The following CCDC13 variants were observed in gnomAD, a reference collection of about 807,000 sequenced individuals.
CCDC13 encodes coiled-coil domain-containing protein 13.
CCDC13 carries 70 observed loss-of-function variants against 87.3 expected under a neutral mutation model. That is an observed-to-expected ratio of 0.80 (90% CI 0.66 to 0.98). The LOEUF (loss-of-function observed/expected upper bound fraction) is 0.98. Among genes scored for constraint, CCDC13 ranks in the 50% least tolerant of loss-of-function variants. The probability of loss-of-function intolerance (pLI) is 0.00; values close to 1 mark genes in which losing one functional copy is unlikely to be tolerated. For missense variants in CCDC13, 842 were observed against 892.0 expected, an observed-to-expected ratio of 0.94 and a Z score of 0.71; for synonymous variants, 317 against 360.3, an observed-to-expected ratio of 0.88 and a Z score of 1.36.
chr3:42,746,574 A>G (rs974923341), intron 6 of CCDC13: 110 of 163,310 alleles, frequency 6.7e-4, no homozygotes, highest in Non-Finnish European at 2.6e-4. Context: ...GGCAGAAACA[A>G]TACGCTCCAG....
intron 1 of CCDC13, among the ~76,000 whole-genome samples, chr3:42,761,256 T>C (rs1481336316): frequency 1.3e-5 from 2 of 152,160 alleles, no homozygotes; most frequent in East Asian, 3.8e-4. Context: ...GATACCAGGC[T>C]CATAACCACC....
intron 5 of CCDC13, 73 bp downstream of exon 5, chr3:42,751,863 A>G (rs1699588192): frequency 1.5e-6 from 2 of 1,378,846 alleles, no homozygotes; most frequent in East Asian, 2.3e-5. Flanking sequence ...AGGTACCTAC[A>G]CACCTGTGGA....
At chr3:42,771,610 C>T (rs185230140) in intron 1 of CCDC13, among the ~76,000 whole-genome samples, 22 of 152,224 alleles carry the variant, frequency 1.4e-4, no homozygotes, top group Admixed American at 1.2e-3. Flanking sequence ...AAAAAATTAG[C>T]TGGGCATGGT....
At chr3:42,712,953 G>A (rs1342859242) in intron 14 of CCDC13, among the ~76,000 whole-genome samples, 1 of 152,230 alleles carries the variant, frequency 6.6e-6, no homozygotes, top group Non-Finnish European at 1.5e-5. Context: ...AGGGCCACAC[G>A]AGGCAATGGA....
chr3:42,732,673 C>A, intron 12 of CCDC13: 1 of 565,288 alleles, frequency 1.8e-6, no homozygotes, highest in Non-Finnish European at 3.1e-6. Flanking sequence ...GAACCCTAGC[C>A]TGGGAGTCAG....
chr3:42,730,271 C>T (rs1422280452), intron 13 of CCDC13, among the ~76,000 whole-genome samples, 196 bp downstream of exon 13: 2 of 152,128 alleles, frequency 1.3e-5, no homozygotes, highest in Non-Finnish European at 2.9e-5. Flanking sequence ...TAGAATGGGG[C>T]TGTTCCTAAG....
Position 42,733,451 on chromosome 3 carries a change from C to T in CCDC13, c.1511+19G>A, listed in dbSNP as rs772862692. On this transcript the variant is annotated intron_variant, in intron 11 of 15. Transcript: ENST00000310232. ...ATTAATGTTCACTTTCCAACCCCTC[C>T]CTCCCATTGTTTTCTTACCGAGAAG... The T allele has an allele frequency of 1.2e-6, 2 of 1,613,790 alleles. No individual in the cohort carries two copies. Among genetic ancestry groups the T allele is most frequent in the African/African-American group, 2.7e-5 (2 of 74,916 alleles).
chr3:42,746,056 C>G lies in CCDC13; in HGVS notation c.721-29G>C, dbSNP rs370916314. On this transcript the variant is annotated intron_variant, in intron 6 of 15. Coordinates refer to ENST00000310232, the MANE Select transcript of CCDC13 (RefSeq NM_144719.4). ...AAATAAGGCAGGGCCTTCAATGTGG[C>G]CAAAAGAGAGGGCTCCACCAGACCC... The G allele has an allele frequency of 4.5e-6, 7 of 1,559,616 alleles. No individual in the cohort carries two copies. In the African/African-American group the frequency reaches 8.1e-5, roughly 18 times the overall value.
rs553945085 is a variant in CCDC13, at chr3:42,730,403, G to C, written c.1718+64C>G. The C allele has an allele frequency of 9.5e-6, 15 of 1,581,778 alleles. No individual in the cohort carries two copies. In the East Asian group the frequency reaches 3.2e-4, roughly 33 times the overall value. On this transcript the variant is annotated intron_variant, in intron 13 of 15. Coordinates refer to ENST00000310232, the MANE Select transcript of CCDC13 (RefSeq NM_144719.4). The stretch of plus-strand genomic sequence containing the variant: ...GTGAGGAGGACCCAGTCATAAATGA[G>C]GCCTGGCCCCAGTCCCCACCACATG...
intron 13 of CCDC13, chr3:42,719,488 T>C (rs2125873650): frequency 6.6e-6 from 1 of 152,156 alleles, no homozygotes; most frequent in East Asian, 1.9e-4. Flanking sequence ...AGAAAAAGGA[T>C]TTGTGAGGCT....
intron 14 of CCDC13, among the ~76,000 whole-genome samples, chr3:42,711,159 T>C (rs373199688): frequency 6.7e-4 from 101 of 150,510 alleles, no homozygotes; most frequent in African/African-American, 2.4e-3. Flanking sequence ...GGCAGGGGAA[T>C]TGCTTGAACC....
At chr3:42,763,239 T>G (rs1276198061) in intron 1 of CCDC13, among the ~76,000 whole-genome samples, 1 of 152,116 alleles carries the variant, frequency 6.6e-6, no homozygotes, top group Non-Finnish European at 1.5e-5. Context: ...GGTACAAGAG[T>G]AGATTGCAGT....
In CCDC13 at chr3:42,746,521, G is replaced by A. The variant is rs953201266; in HGVS notation, c.721-494C>T. ...TGGTCCAAGAAGGACCCAGCTTTGCGGTTGTTGAAGTGCAGCACTCAGGCC... is the reference window on the plus strand; with the variant it reads ...TGGTCCAAGAAGGACCCAGCTTTGCAGTTGTTGAAGTGCAGCACTCAGGCC... On this transcript the variant is annotated intron_variant, in intron 6 of 15. Coordinates refer to ENST00000310232, the MANE Select transcript of CCDC13 (RefSeq NM_144719.4). 18 of 165,022 alleles carry A rather than the reference G, an allele frequency of 1.1e-4. 1 individual carries two copies. The highest frequency in any genetic ancestry group is 6.1e-3 in the Middle Eastern group (2 of 328). 10.2% of individuals were successfully genotyped at this position (165,022 alleles called of 1,614,324 possible). A position where few individuals can be genotyped will look rare whatever the true frequency, so the allele number is the denominator to read the frequency against.
chr3:42,752,820 T>G (rs1699619892), intron 3 of CCDC13, 103 bp from the exon 4 acceptor site: 1 of 1,408,786 alleles, frequency 7.1e-7, no homozygotes, highest in Non-Finnish European at 9.7e-7. Flanking sequence ...TAAAGCTGCT[T>G]GGCATGAATG....
intron 9 of CCDC13, among the ~76,000 whole-genome samples, chr3:42,738,941 A>T (rs113545696): frequency 0.018 from 2,778 of 152,314 alleles, 51 homozygotes; most frequent in African/African-American, 0.063. Flanking sequence ...AACTTCCAAC[A>T]CTATGTTGAA....
chr3:42,748,667 G>A (rs904620902), intron 5 of CCDC13, among the ~76,000 whole-genome samples: 4 of 152,122 alleles, frequency 2.6e-5, no homozygotes, highest in African/African-American at 4.8e-5. Context: ...ATGAACACCT[G>A]GTCCAGAAAC....
chr3:42,754,494 A>T (rs1355537834), intron 3 of CCDC13, among the ~76,000 whole-genome samples: 1 of 151,990 alleles, frequency 6.6e-6, no homozygotes. Flanking sequence ...AAAATCATGA[A>T]CTCTAGCAGT....
At chr3:42,715,969 G>A (rs1322799205) in intron 13 of CCDC13, among the ~76,000 whole-genome samples, 5 of 152,142 alleles carry the variant, frequency 3.3e-5, no homozygotes, top group Non-Finnish European at 7.3e-5. Context: ...TACTCAGTCT[G>A]TGGTATTCTG....
At chr3:42,712,873 T>C (rs145747876) in intron 14 of CCDC13, among the ~76,000 whole-genome samples, 1 of 152,182 alleles carries the variant, frequency 6.6e-6, no homozygotes, top group African/African-American at 2.4e-5. Flanking sequence ...GGATAGAGGG[T>C]TGAGGGCTAG....
Sources: allele counts gnomAD v4.1 joint callset (sites outside exome capture counted in the v4.1 genomes callset), GRCh38; gene constraint gnomAD v4.1.1; transcripts MANE v1.5; gene names NCBI Gene and HGNC (gene_info 2026-07-23, HGNC 2026-07-21).